The following CAST variants were observed in gnomAD, a reference collection of about 807,000 sequenced individuals.
CAST encodes MIR583 host.
Under a neutral mutation model 119.6 loss-of-function variants are expected in CAST, and 76 were observed. The ratio of observed to expected loss-of-function variants is 0.64; its 90% CI spans 0.53 to 0.77. CAST has a LOEUF of 0.77. Ranked by LOEUF, CAST falls within the 30% of genes least tolerant of loss-of-function variation. The pLI, the probability that CAST is intolerant of heterozygous loss-of-function variation, is 0.00. For missense variants in CAST, 953 were observed against 946.5 expected, an observed-to-expected ratio of 1.01 and a Z score of -0.09; for synonymous variants, 319 against 331.6, an observed-to-expected ratio of 0.96 and a Z score of 0.41.
intron 1 of CAST, among the ~76,000 whole-genome samples, chr5:96,555,200 C>T (rs1345156256): frequency 6.6e-6 from 1 of 152,222 alleles, no homozygotes; most frequent in Non-Finnish European, 1.5e-5. Flanking sequence ...AGCACATATA[C>T]ACCATGGAGT....
At chr5:96,313,655 C>T in the CAST span, among the ~76,000 whole-genome samples, 37 of 152,258 alleles carry the variant, frequency 2.4e-4, no homozygotes, top group Admixed American at 2.4e-3. Flanking sequence ...TTTTAGTTCT[C>T]CAGGGTAAAT....
At chr5:96,662,526 G>C in intron 1 of CAST, 29 bp downstream of exon 1, 1 of 1,351,306 alleles carries the variant, frequency 7.4e-7, no homozygotes, top group Non-Finnish European at 9.4e-7. Flanking sequence ...GGCGTCGCGG[G>C]GCTGGGCGAT....
chr5:96,686,020 T>C (rs902569585), intron 2 of CAST, among the ~76,000 whole-genome samples: 7 of 152,142 alleles, frequency 4.6e-5, no homozygotes, highest in African/African-American at 1.7e-4. Context: ...CACTCTGCCA[T>C]ATTGTGGGAA....
chr5:96,660,376 T>C (rs1462260365), upstream of CAST, among the ~76,000 whole-genome samples: 1 of 152,254 alleles, frequency 6.6e-6, no homozygotes, highest in African/African-American at 2.4e-5. Flanking sequence ...ACAAATGCCA[T>C]ATAACTTCAG....
chr5:96,209,190 C>T, the CAST span, among the ~76,000 whole-genome samples: 1 of 151,740 alleles, frequency 6.6e-6, no homozygotes, highest in Non-Finnish European at 1.5e-5. Flanking sequence ...TTTTTCCATC[C>T]GTTTACTTTG....
At chr5:96,042,888 C>T in the CAST span, among the ~76,000 whole-genome samples, 8 of 152,030 alleles carry the variant, frequency 5.3e-5, no homozygotes, top group African/African-American at 1.9e-4. Flanking sequence ...ATAGGTATTT[C>T]ATCACATGTA....
chr5:96,057,480 G>A, the CAST span, among the ~76,000 whole-genome samples: 9 of 152,030 alleles, frequency 5.9e-5, no homozygotes, highest in South Asian at 4.1e-4. Flanking sequence ...TTTCCTTTCC[G>A]GAGTAATCAC....
chr5:96,379,260 G>A, the CAST span, among the ~76,000 whole-genome samples: 1 of 152,176 alleles, frequency 6.6e-6, no homozygotes, highest in Admixed American at 6.5e-5. Context: ...GTATGTAAGA[G>A]CAAAGCAGGT....
intron 1 of CAST, among the ~76,000 whole-genome samples, chr5:96,571,944 G>A (rs1160392318): frequency 6.6e-6 from 1 of 152,144 alleles, no homozygotes; most frequent in Non-Finnish European, 1.5e-5. Flanking sequence ...GATGTTGAGT[G>A]AATAAATAAA....
the CAST span, among the ~76,000 whole-genome samples, chr5:96,079,951 AAG>A: frequency 3.1e-3 from 467 of 152,310 alleles, 4 homozygotes; most frequent in Non-Finnish European, 5.4e-3. Flanking sequence ...ACTGCCTGAA[AAG>A]CCTTATATAT....
chr5:96,408,186 CCTTTGTAAAGGTGATTAGAAG>C, the CAST span: 1 of 1,416,646 alleles, frequency 7.1e-7, no homozygotes, highest in Non-Finnish European at 1.0e-6. Flanking sequence ...GGAGAATCAG[CCTTTGTAAAGGTGATTAGAAG>C]CTTTCTGGGC....
At chr5:96,763,350 G>A (rs1380480794) in intron 25 of CAST, 1 of 743,390 alleles carries the variant, frequency 1.3e-6, no homozygotes, top group Admixed American at 1.9e-5. Flanking sequence ...CCCCGTGTGT[G>A]TGTATGTGCA....
At chr5:96,562,275 T>A (rs1048486803) in intron 1 of CAST, among the ~76,000 whole-genome samples, 5 of 152,146 alleles carry the variant, frequency 3.3e-5, no homozygotes, top group African/African-American at 1.2e-4. Flanking sequence ...TTGCAACTTA[T>A]ATCACAGACA....
At chr5:96,331,104 G>T in the CAST span, among the ~76,000 whole-genome samples, 1 of 152,124 alleles carries the variant, frequency 6.6e-6, no homozygotes, top group Non-Finnish European at 1.5e-5. Context: ...AGATTTTTAT[G>T]TTCAGTTTTA....
At chr5:95,982,019 A>G in the CAST span, among the ~76,000 whole-genome samples, 3 of 152,060 alleles carry the variant, frequency 2.0e-5, no homozygotes, top group African/African-American at 4.8e-5. Flanking sequence ...CTCACCACCA[A>G]TGCAAACCCA....
chr5:96,369,173 T>A, the CAST span, among the ~76,000 whole-genome samples: 9 of 151,744 alleles, frequency 5.9e-5, no homozygotes, highest in Admixed American at 5.9e-4. Context: ...TGATTTCTCG[T>A]ATATTTATTT....
the CAST span, among the ~76,000 whole-genome samples, chr5:96,463,697 G>A: frequency 2.6e-5 from 4 of 152,018 alleles, no homozygotes; most frequent in African/African-American, 9.7e-5. Flanking sequence ...GATTAGTGGG[G>A]TATAGAAGGT....
chr5:96,688,046 G>A (rs1461925236), intron 2 of CAST, among the ~76,000 whole-genome samples: 2 of 152,176 alleles, frequency 1.3e-5, no homozygotes, highest in Non-Finnish European at 2.9e-5. Flanking sequence ...ATATAGTTCA[G>A]GGGACACCCA....
At chr5:96,138,657 A>G in the CAST span, among the ~76,000 whole-genome samples, 422 of 151,994 alleles carry the variant, frequency 2.8e-3, 2 homozygotes, top group South Asian at 4.8e-3. Context: ...TCAGAATTTC[A>G]TATTTTTTGA....
Sources: gnomAD v4.1 joint callset for allele counts (sites outside exome capture counted in the v4.1 genomes callset) on GRCh38, gnomAD v4.1.1 for gene constraint, MANE v1.5 for transcripts, NCBI Gene and HGNC (gene_info 2026-07-23, HGNC 2026-07-21) for gene names.